The following SPHK2 variants were observed in gnomAD, a reference collection of about 807,000 sequenced individuals.
The protein encoded by SPHK2 is sphingosine kinase 2.
In SPHK2, 18 loss-of-function variants were observed where a neutral mutation model predicts 32.3. The ratio of observed to expected loss-of-function variants is 0.56; its 90% CI spans 0.39 to 0.83. The LOEUF (loss-of-function observed/expected upper bound fraction) is 0.83. Ranked by LOEUF, SPHK2 falls within the 40% of genes least tolerant of loss-of-function variation. SPHK2 has a pLI of 0.00. For missense variants in SPHK2, 850 were observed against 908.7 expected (o/e 0.94, Z 0.83); for synonymous variants, 462 against 417.6 (o/e 1.11, Z -1.30).
Position 48,629,859 on chromosome 19 carries a change from A to G in SPHK2, c.*86A>G, listed in dbSNP as rs2030438499. 5.4e-6 allele frequency: 8 copies of G among 1,477,190 alleles called. No individual in the cohort carries two copies. The South Asian group carries it at 9.9e-5, about 18-fold the overall frequency. The allele number at this position is 1,477,190 out of a possible 1,614,324, so 91.5% of individuals were successfully genotyped here. A position where few individuals can be genotyped will look rare whatever the true frequency, so the allele number is the denominator to read the frequency against. ...AGCTAGGGGGTGTGGCCTGGCTGCT[A>G]GAGTTGTGGTGGCAGGGGCCCTGGC... On this transcript the variant is annotated 3_prime_UTR_variant, in exon 7 of 7. Transcript: ENST00000245222.
intron 3 of SPHK2, 186 bp downstream of exon 3, chr19:48,626,548 C>T: frequency 1.3e-6 from 1 of 766,476 alleles, no homozygotes; most frequent in South Asian, 2.3e-5. Context: ...GATGTGGTGG[C>T]TCATGTCTGT....
Position 48,628,642 on chromosome 19 carries a change from T to C in SPHK2, c.873-39T>C. ...GTCTCTTTCCCCAACCCCTGTTTGC[T>C]CCTTCCTTCTGTGTGTCCGTCCATC... On this transcript the variant is annotated intron_variant, in intron 6 of 6. Coordinates refer to ENST00000245222, the MANE Select transcript of SPHK2 (RefSeq NM_020126.5). The surrounding 1 kb of genome is among the most constrained non-coding windows in gnomAD (Gnocchi z 5.2). 1 of 1,597,386 alleles carries C rather than the reference T, an allele frequency of 6.3e-7. No homozygotes were observed. Among genetic ancestry groups the C allele is most frequent in the South Asian group, 1.1e-5 (1 of 90,774 alleles).
Position 48,629,264 on chromosome 19 carries a change from G to A in SPHK2, c.1456G>A (p.Val486Ile), listed in dbSNP as rs762095559. ...GSPKAALHSP[V>I]SEGAPVIPPS... ...TCCCAAGGCAGCTCTACACTCACCC[G>A]TCTCCGAAGGGGCCCCCGTAATTCC... Residue 486 changes from valine to isoleucine, a missense_variant, in exon 7 of 7, where the codon GTC becomes ATC. Physicochemically the swap from Val to Ile is conservative, Grantham distance 29 (BLOSUM62 3). Around this residue, in one of 2 missense-constraint regions of SPHK2, gnomAD observed 306 missense variants for 268.6 expected, o/e 1.14. Transcript: ENST00000245222. The A allele has an allele frequency of 3.7e-6, 6 of 1,613,474 alleles. No individual in the cohort carries two copies. Among genetic ancestry groups the A allele is most frequent in the African/African-American group, 2.7e-5 (2 of 74,918 alleles).
rs1601173630 is a variant in SPHK2, at chr19:48,629,906, C to T, written c.*133C>T. ...TGGCCCCGTCTCAGGATTGCGCTCG[C>T]TTTCATGGGACCAGACGTGATGCTG... On this transcript the variant is annotated 3_prime_UTR_variant, in exon 7 of 7. Transcript: ENST00000245222. The T allele has an allele frequency of 2.1e-6, 3 of 1,437,034 alleles. No homozygotes were observed. The highest frequency in any genetic ancestry group is 5.0e-5 in the East Asian group (2 of 40,028). The allele number at this position is 1,437,034 out of a possible 1,614,324, so 89.0% of individuals were successfully genotyped here. A position where few individuals can be genotyped will look rare whatever the true frequency, so the allele number is the denominator to read the frequency against.
intron 2 of SPHK2, chr19:48,625,032 CCTG>C (rs1974549896): frequency 2.0e-6 from 2 of 990,534 alleles, no homozygotes; most frequent in African/African-American, 3.5e-5. Flanking sequence ...GGACCTCAGT[CCTG>C]CTCCCACCCG....
chr19:48,629,354 CCCGA>C lies in SPHK2; in HGVS notation c.1549_1552del (p.Asp517ThrfsTer15), dbSNP rs1204046915. 1 of 1,612,548 alleles carries C rather than the reference CCCGA, an allele frequency of 6.2e-7. No homozygotes were observed. Among genetic ancestry groups the C allele is most frequent in the Non-Finnish European group, 8.5e-7 (1 of 1,179,662 alleles). On this transcript the variant is annotated frameshift_variant, in exon 7 of 7. Transcript: ENST00000245222. LOFTEE classifies it low-confidence loss of function (END_TRUNC). ...GGTAGGGGCCTCCACCTGCGGCCCGCCCGACCACCTGCTGCCTCCGCTGGGCACC... is the reference window on the plus strand; with the variant it reads ...GGTAGGGGCCTCCACCTGCGGCCCGCCCACCTGCTGCCTCCGCTGGGCACC...
At chr19:48,624,585 G>A (rs561314755) in intron 2 of SPHK2, 1 of 152,446 alleles carries the variant, frequency 6.6e-6, no homozygotes, top group South Asian at 2.1e-4. Context: ...CTGGGACTGG[G>A]TTCTGGAAAT....
chr19:48,630,267 T>G lies in SPHK2; in HGVS notation c.*494T>G, dbSNP rs1228666769. On this transcript the variant is annotated 3_prime_UTR_variant, in exon 7 of 7. Transcript: ENST00000245222. The surrounding 1 kb of genome is among the most constrained non-coding windows in gnomAD (Gnocchi z 4.9). ...GGTTCCCCGGGGCCGGCGCTAGGAT[T>G]TGCACTAATGTTCCTCTCCCCGCGG... The G allele has an allele frequency of 7.8e-7, 1 of 1,289,760 alleles. No homozygotes were observed. The highest frequency in any genetic ancestry group is 9.8e-7 in the Non-Finnish European group (1 of 1,019,496). 79.9% of individuals were successfully genotyped at this position (1,289,760 alleles called of 1,614,324 possible).
Position 48,628,673 on chromosome 19 carries a change from C to A in SPHK2, c.873-8C>A, listed in dbSNP as rs201905072. 23 of 1,608,198 alleles carry A rather than the reference C, an allele frequency of 1.4e-5. No individual in the cohort carries two copies. In the East Asian group the frequency reaches 4.9e-4, roughly 34 times the overall value. On this transcript the variant is annotated splice_polypyrimidine_tract_variant and splice_region_variant and intron_variant, in intron 6 of 6. Transcript: ENST00000245222. This position sits in a 1 kb window ranked among gnomAD's most constrained non-coding sequence, Gnocchi z 5.2. ...CTTCTGTGTGTCCGTCCATCTCCGG[C>A]TGTGAAGATTTGAGCCAGCCCTGGG...
rs11881285 is a variant in SPHK2 at position 48,629,763 on chromosome 19, G to T, written c.1955G>T (p.Arg652Leu). The change falls in exon 7 of 7, where the codon CGG becomes CTG. Residue 652 changes from arginine to leucine, a missense_variant. Arg to Leu is a moderately radical substitution (Grantham distance 102). Coordinates refer to ENST00000245222, the MANE Select transcript of SPHK2 (RefSeq NM_020126.5). ...ACTGGGCCTCCTGGCTGCCCGGGGC[G>T]GGAGCCCTGAAACTAAACAAGCTTG... The part of the protein sequence containing the change: ...LLTGPPGCPG[R>L]EP 1 of 1,571,734 alleles carries T rather than the reference G, an allele frequency of 6.4e-7. No individual in the cohort carries two copies. Among genetic ancestry groups the T allele is most frequent in the South Asian group, 1.1e-5 (1 of 87,206 alleles).
Position 48,620,058 on chromosome 19 carries a change from CACTTA to C in SPHK2, c.-113-339_-113-335del, listed in dbSNP as rs554614771. ...AACCTCTCTGTGATCTTGGGAAAAT[CACTTA>C]ACTTCTTTGGGCCTTACTCTCCTTA... On this transcript the variant is annotated intron_variant, in intron 1 of 6. Transcript: ENST00000245222. Among the ~76,000 whole-genome samples the C allele has an allele frequency of 1.2e-3, 184 of 152,234 alleles. 1 individual carries two copies. The highest frequency in any genetic ancestry group is 4.0e-3 in the African/African-American group (166 of 41,528).
In SPHK2 at chr19:48,625,877, C is replaced by T. The variant is rs1974593011; in HGVS notation, c.40-14C>T. On this transcript the variant is annotated splice_polypyrimidine_tract_variant and intron_variant, in intron 2 of 6. Transcript: ENST00000245222. ...GTCCTGAATTCTCACCCCTTCTCTC[C>T]TCCCTTCCCACAGAGGCCAGACCAG... 1 of 1,610,004 alleles carries T rather than the reference C, an allele frequency of 6.2e-7. No homozygotes were observed. Among genetic ancestry groups the T allele is most frequent in the Non-Finnish European group, 8.5e-7 (1 of 1,179,534 alleles).
In SPHK2 at chr19:48,629,347, C is replaced by T. The variant is rs755743042; in HGVS notation, c.1539C>T (p.Cys513=). Residue 513 remains cysteine (C), a synonymous_variant, in exon 7 of 7, where the codon TGC becomes TGT. Transcript: ENST00000245222. Reference sequence around the variant, plus strand: ...ATGCCCGGGTAGGGGCCTCCACCTGCGGCCCGCCCGACCACCTGCTGCCTC... The same window carrying T: ...ATGCCCGGGTAGGGGCCTCCACCTGTGGCCCGCCCGACCACCTGCTGCCTC... ...TPDARVGAST[C]GPPDHLLPPL... 8 of 1,612,532 alleles carry T rather than the reference C, an allele frequency of 5.0e-6. No homozygotes were observed. Among genetic ancestry groups the T allele is most frequent in the East Asian group, 2.2e-5 (1 of 44,888 alleles).
Position 48,629,556 on chromosome 19 carries a change from T to G in SPHK2, c.1748T>G (p.Leu583Arg), listed in dbSNP as rs941327332. The G allele has an allele frequency of 6.2e-7, 1 of 1,601,958 alleles. No homozygotes were observed. The highest frequency in any genetic ancestry group is 1.3e-5 in the African/African-American group (1 of 74,886). ...SGISRAALLR[L>R]FLAMERGSHF... is the part of the protein sequence containing the mutation. ...ATCTCGCGGGCTGCGCTGCTGCGCC[T>G]TTTCTTGGCCATGGAGCGTGGTAGC... The change falls in exon 7 of 7, where the codon CTT becomes CGT. Residue 583 changes from leucine to arginine, a missense_variant. Leu to Arg is a moderately radical substitution (Grantham distance 102). Transcript: ENST00000245222.
At chr19:48,624,266 A>G (rs1974519009) in intron 2 of SPHK2, 1 of 152,256 alleles carries the variant, frequency 6.6e-6, no homozygotes, top group South Asian at 2.1e-4. Context: ...TCCCTGCACC[A>G]AGCTCGCGAG....
intron 2 of SPHK2, chr19:48,625,003 G>A (rs1974549071): frequency 1.0e-6 from 1 of 987,842 alleles, no homozygotes. Flanking sequence ...AGAGGGCAGG[G>A]AGAGGGCCTG....
intron 3 of SPHK2, among the ~76,000 whole-genome samples, chr19:48,626,991 G>A (rs1217501110): frequency 2.6e-5 from 4 of 151,710 alleles, no homozygotes; most frequent in Admixed American, 6.6e-5. Context: ...AAAATTAGCC[G>A]GGCATGGTGA....
At chr19:48,620,817 G>A (rs906359758) in intron 2 of SPHK2, 2 of 336,230 alleles carry the variant, frequency 5.9e-6, no homozygotes, top group Non-Finnish European at 1.1e-5. Context: ...CCAGCTACTC[G>A]GGAGACTGAG....
chr19:48,629,429 A>C lies in SPHK2; in HGVS notation c.1621A>C (p.Met541Leu). 6.2e-7 allele frequency: 1 copy of C among 1,610,784 alleles called. No homozygotes were observed. Among genetic ancestry groups the C allele is most frequent in the Non-Finnish European group, 8.5e-7 (1 of 1,179,280 alleles). Residue 541 changes from methionine to leucine, a missense_variant, in exon 7 of 7, where the codon ATG becomes CTG. Transcript: ENST00000245222. ...WVTLEGDFVL[M>L]LAISPSHLGA... ...GACGCTGGAGGGGGACTTTGTGCTCATGTTGGCCATCTCGCCCAGCCACCT... is the reference window on the plus strand; with the variant it reads ...GACGCTGGAGGGGGACTTTGTGCTCCTGTTGGCCATCTCGCCCAGCCACCT...
Sources: gnomAD v4.1 joint callset for allele counts (sites outside exome capture counted in the v4.1 genomes callset) on GRCh38, gnomAD v4.1.1 for gene constraint, gnomAD v4.1.1 regional missense constraint, Gnocchi (gnomAD v3.1) non-coding constraint, MANE v1.5 for transcripts, NCBI Gene and HGNC (gene_info 2026-07-23, HGNC 2026-07-21) for gene names.